Variants in KEL observed in about 807,000 individuals in gnomAD.
The protein encoded by KEL is Kell metallo-endopeptidase (Kell blood group), also known as kell blood group glycoprotein.
Under a neutral mutation model 99.5 loss-of-function variants are expected in KEL, and 96 were observed. The ratio of observed to expected loss-of-function variants is 0.97; its 90% CI spans 0.82 to 1.14. The LOEUF is 1.14. KEL is among the 50% of genes most tolerant of loss of function. The pLI is 0.00. For missense variants in KEL, 926 were observed against 924.2 expected, an observed-to-expected ratio of 1.00 and a Z score of -0.03; for synonymous variants, 355 against 354.8, an observed-to-expected ratio of 1.00 and a Z score of -0.01.
At chr7:142,943,986 C>A in intron 13 of KEL, 103 bp from the exon 14 acceptor site, 1 of 918,584 alleles carries the variant, frequency 1.1e-6, no homozygotes, top group Non-Finnish European at 1.8e-6. Context: ...CAAGCCCTGA[C>A]AGGCAGGCAT....
chr7:142,945,724 G>T (rs954069373), intron 11 of KEL, among the ~76,000 whole-genome samples: 2 of 152,054 alleles, frequency 1.3e-5, no homozygotes, highest in Non-Finnish European at 2.9e-5. Flanking sequence ...TGCCGCCCAG[G>T]TTCAAGCGAT....
chr7:142,958,398 C>T lies in KEL; in HGVS notation c.431G>A (p.Gly144Glu). The T allele has an allele frequency of 3.1e-6, 5 of 1,614,122 alleles. No individual in the cohort carries two copies. Among genetic ancestry groups the T allele is most frequent in the Non-Finnish European group, 3.4e-6 (4 of 1,180,036 alleles). The change falls in exon 5 of 19, where the codon GGG becomes GAG. Residue 144 changes from glycine to glutamate, a missense_variant. By Grantham distance (98) the Gly-to-Glu change is moderately conservative (BLOSUM62 -2). Coordinates refer to ENST00000355265, the MANE Select transcript of KEL (RefSeq NM_000420.3). ...EVQNSWHPGSGEEKAFQFYNS... is the reference protein window; with the variant it reads ...EVQNSWHPGSEEEKAFQFYNS... Reference sequence around the variant, plus strand: ...GTAGAACTGGAAGGCTTTCTCCTCCCCAGAGCCTGGGTGCCAGGAATTCTG... The same window carrying T: ...GTAGAACTGGAAGGCTTTCTCCTCCTCAGAGCCTGGGTGCCAGGAATTCTG...
intron 4 of KEL, 100 bp downstream of exon 4, chr7:142,960,828 T>C (rs8175962): frequency 0.076 from 90,170 of 1,190,714 alleles, 9,284 homozygotes; most frequent in African/African-American, 0.47. Context: ...ATGGTGCAAA[T>C]CAGTTGTTCC....
Position 142,943,574 on chromosome 7 carries a change from C to G in KEL, c.1615G>C (p.Val539Leu). The G allele has an allele frequency of 1.2e-6, 2 of 1,614,008 alleles. No individual in the cohort carries two copies. The highest frequency in any genetic ancestry group is 1.7e-6 in the Non-Finnish European group (2 of 1,179,870). The change falls in exon 15 of 19, where the codon GTC becomes CTC. Residue 539 changes from valine (V) to leucine (L), a missense_variant. Physicochemically the swap from Val to Leu is conservative, Grantham distance 32 (BLOSUM62 1). Transcript: ENST00000355265. ...TCAGATACCGAATAGTAAGCATTGA[C>G]GTCCCAAGGGGACACCTTCCACCTG... The part of the protein sequence containing the change: ...QHRWKVSPWD[V>L]NAYYSVSDHV...
chr7:142,942,614 T>C (rs1796390888), intron 17 of KEL, 85 bp from the exon 18 acceptor site: 2 of 1,049,650 alleles, frequency 1.9e-6, no homozygotes, highest in African/African-American at 3.1e-5. Flanking sequence ...CCAAAACCCA[T>C]GGCCCTTGCT....
intron 10 of KEL, among the ~76,000 whole-genome samples, chr7:142,949,942 A>T (rs1796638388): frequency 6.6e-6 from 1 of 152,262 alleles, no homozygotes; most frequent in Non-Finnish European, 1.5e-5. Context: ...CTCTATTCAA[A>T]ACTAATCATC....
At chr7:142,952,956 A>G (rs1264159993) in intron 9 of KEL, among the ~76,000 whole-genome samples, 1 of 152,166 alleles carries the variant, frequency 6.6e-6, no homozygotes, top group Non-Finnish European at 1.5e-5. Flanking sequence ...ATCTCTGGTT[A>G]TCCTCAGATG....
At chr7:142,950,386 G>A (rs1796652919) in intron 10 of KEL, among the ~76,000 whole-genome samples, 1 of 152,184 alleles carries the variant, frequency 6.6e-6, no homozygotes, top group African/African-American at 2.4e-5. Flanking sequence ...AGGGGCATCA[G>A]TGGACACAGC....
Position 142,962,201 on chromosome 7 carries a change from T to G in KEL, c.3+3A>C, listed in dbSNP as rs377421640. On this transcript the variant is annotated splice_donor_region_variant and intron_variant, in intron 1 of 18. Coordinates refer to ENST00000355265, the MANE Select transcript of KEL (RefSeq NM_000420.3). ...AAGCCTCTGACTCCAAAAGGGGACT[T>G]ACCATCTGTCTATCTTCTGTGGCTC... The G allele has an allele frequency of 4.5e-5, 72 of 1,614,142 alleles. No individual in the cohort carries two copies. The Middle Eastern group carries it at 1.3e-3, about 30-fold the overall frequency.
chr7:142,942,277 G>C (rs554988212), intron 18 of KEL, 157 bp downstream of exon 18: 7 of 653,218 alleles, frequency 1.1e-5, no homozygotes, highest in African/African-American at 1.8e-5. Context: ...GATTCCAAGG[G>C]GTAGGGAGGG....
At position 142,943,269 on chromosome 7, in the gene KEL, T is replaced by C; in HGVS notation, c.1771+7A>G. 6.2e-7 allele frequency: 1 copy of C among 1,613,620 alleles called. No individual in the cohort carries two copies. The highest frequency in any genetic ancestry group is 8.5e-7 in the Non-Finnish European group (1 of 1,179,788). On this transcript the variant is annotated splice_region_variant and intron_variant, in intron 16 of 18. Transcript: ENST00000355265. ...TATCCCACCTCCCAGTGGCCCCTGT[T>C]ACCCACAGAGCTGGTAGAAGATGTG...
chr7:142,947,061 C>G (rs943504383), intron 10 of KEL, among the ~76,000 whole-genome samples: 22 of 152,268 alleles, frequency 1.4e-4, no homozygotes, highest in African/African-American at 5.3e-4. Context: ...ACAGAAGAGA[C>G]AGATGCTGAG....
At chr7:142,943,241 T>G (rs1262313756) in intron 16 of KEL, 35 bp downstream of exon 16, 4 of 1,610,086 alleles carry the variant, frequency 2.5e-6, no homozygotes, top group Non-Finnish European at 2.5e-6. Context: ...TTAGGTTCCC[T>G]ATTATCCCAC....
chr7:142,956,731 T>C (rs551613329), intron 6 of KEL, among the ~76,000 whole-genome samples: 60 of 152,238 alleles, frequency 3.9e-4, no homozygotes, highest in Non-Finnish European at 7.3e-4. Flanking sequence ...CTCTCCTCTC[T>C]GAGCCTCTCC....
chr7:142,953,154 TG>T (rs2116667468), intron 9 of KEL, among the ~76,000 whole-genome samples: 2 of 152,200 alleles, frequency 1.3e-5, no homozygotes, highest in Non-Finnish European at 2.9e-5. Flanking sequence ...TCCAAGCCCC[TG>T]GAAGAAAGCC....
intron 14 of KEL, 83 bp from the exon 15 acceptor site, chr7:142,943,679 C>T: frequency 1.4e-6 from 2 of 1,428,652 alleles, no homozygotes; most frequent in Non-Finnish European, 2.0e-6. Flanking sequence ...CTCCCAACTA[C>T]CATTACTGTT....
chr7:142,948,803 G>C (rs1472207295), intron 10 of KEL, among the ~76,000 whole-genome samples: 1 of 152,050 alleles, frequency 6.6e-6, no homozygotes, highest in East Asian at 1.9e-4. Context: ...CTGTGGTGGG[G>C]CTTCAGAGAG....
Position 142,942,425 on chromosome 7 carries a change from GCT to G in KEL, c.2037+7_2037+8del. The stretch of plus-strand genomic sequence containing the variant: ...AAGCAAGCTGTGGCGGGAGGTGGCC[GCT>G]GCCTACCTGGGCATAGCTTCGAAAG... On this transcript the variant is annotated splice_region_variant and intron_variant, in intron 18 of 18. Transcript: ENST00000355265. 3.2e-6 allele frequency: 5 copies of G among 1,563,618 alleles called. No individual in the cohort carries two copies. Among genetic ancestry groups the G allele is most frequent in the Non-Finnish European group, 3.5e-6 (4 of 1,150,672 alleles).
At chr7:142,952,392 G>A in intron 10 of KEL, 117 bp downstream of exon 10, 1 of 1,336,572 alleles carries the variant, frequency 7.5e-7, no homozygotes. Context: ...GCCAAGACAT[G>A]GAGGGGCATC....
Sources: gnomAD v4.1 joint callset for allele counts (sites outside exome capture counted in the v4.1 genomes callset) on GRCh38, gnomAD v4.1.1 for gene constraint, MANE v1.5 for transcripts, NCBI Gene and HGNC (gene_info 2026-07-23, HGNC 2026-07-21) for gene names.